Variants in F13B observed in about 807,000 individuals in gnomAD.
F13B encodes TGase.
F13B carries 58 observed loss-of-function variants against 79.8 expected under a neutral mutation model. That is an observed-to-expected ratio of 0.73 (90% confidence interval 0.59 to 0.90). F13B has a LOEUF of 0.90. F13B is among the 40% of genes least tolerant of loss of function. The pLI is 0.00. For synonymous variants in F13B, 283 were observed against 260.3 expected (o/e 1.09, Z -0.84); for missense variants, 773 against 777.0 (o/e 0.99, Z 0.06).
chr1:197,057,293 T>C lies in F13B; in HGVS notation c.978A>G (p.Lys326=). 6.2e-7 allele frequency: 1 copy of C among 1,613,904 alleles called. No individual in the cohort carries two copies. Among genetic ancestry groups the C allele is most frequent in the Non-Finnish European group, 8.5e-7 (1 of 1,179,878 alleles). The change falls in exon 6 of 12, where the codon AAA becomes AAG. Residue 326 remains lysine (K), a synonymous_variant. Transcript: ENST00000367412. Reference sequence around the variant, plus strand: ...CTTCAAGGTGTTACTAACCAATGCATTTTGGAGGTTCTGTCCATTTTCCAT... The same window carrying C: ...CTTCAAGGTGTTACTAACCAATGCACTTTGGAGGTTCTGTCCATTTTCCAT... ...CEDGKWTEPP[K]CIEGQEKVAC... is the part of the protein sequence containing the mutation.
chr1:197,044,709 T>G (rs1655165982), intron 10 of F13B, among the ~76,000 whole-genome samples: 1 of 152,148 alleles, frequency 6.6e-6, no homozygotes, highest in African/African-American at 2.4e-5. Flanking sequence ...ATATACATTC[T>G]TCTCAGCACC....
At chr1:197,041,864 C>T (rs766536884) in intron 10 of F13B, among the ~76,000 whole-genome samples, 2 of 152,130 alleles carry the variant, frequency 1.3e-5, no homozygotes, top group Non-Finnish European at 2.9e-5. Flanking sequence ...AGACAGAAGA[C>T]TCATTGTTAC....
chr1:197,043,568 TAACTC>T (rs1428150597), intron 10 of F13B, among the ~76,000 whole-genome samples: 5 of 152,150 alleles, frequency 3.3e-5, no homozygotes, highest in African/African-American at 2.4e-5. Context: ...TTTCATCAGA[TAACTC>T]AAATCTACAA....
chr1:197,062,830 A>G (rs17514542), intron 2 of F13B, 27 bp downstream of exon 2: 1 of 1,610,184 alleles, frequency 6.2e-7, no homozygotes, highest in African/African-American at 1.3e-5. Flanking sequence ...GTATTGAAAC[A>G]TTGAGTGACA....
At chr1:197,056,286 C>A (rs372848209) in intron 7 of F13B, among the ~76,000 whole-genome samples, 3 of 151,952 alleles carry the variant, frequency 2.0e-5, no homozygotes, top group Non-Finnish European at 2.9e-5. Flanking sequence ...CTCAATAGAC[C>A]CATGAAGGAA....
intron 5 of F13B, among the ~76,000 whole-genome samples, chr1:197,058,604 T>A (rs563290201): frequency 6.6e-6 from 1 of 152,324 alleles, no homozygotes; most frequent in Admixed American, 6.5e-5. Flanking sequence ...TGCTTCCTCT[T>A]CTGCAGTCAA....
rs549808863 is a variant in F13B at position 197,046,793 on chromosome 1, G to A, written c.1738+3904C>T. ...AAGGCTACAGTAACCAAAACAGCAT[G>A]ATACTGGTACCAAAACAGATATATA... On this transcript the variant is annotated intron_variant, in intron 10 of 11. Coordinates refer to ENST00000367412, the MANE Select transcript of F13B (RefSeq NM_001994.3). Among the ~76,000 whole-genome samples the A allele has an allele frequency of 7.8e-3, 1,190 of 152,280 alleles. 10 individuals are homozygous for A. Among genetic ancestry groups the A allele is most frequent in the Middle Eastern group, 0.017 (5 of 294 alleles).
At chr1:197,044,255 T>C (rs1394017991) in intron 10 of F13B, among the ~76,000 whole-genome samples, 5 of 151,972 alleles carry the variant, frequency 3.3e-5, no homozygotes, top group Non-Finnish European at 7.4e-5. Flanking sequence ...TCCACGCCCA[T>C]GGAGCCTTGC....
At chr1:197,058,921 G>A (rs1308446157) in intron 5 of F13B, among the ~76,000 whole-genome samples, 1 of 151,990 alleles carries the variant, frequency 6.6e-6, no homozygotes, top group African/African-American at 2.4e-5. Context: ...AGAGGAGAAG[G>A]GTATAAAAGG....
At chr1:197,051,258 T>A (rs1655429706) in intron 9 of F13B, among the ~76,000 whole-genome samples, 1 of 152,170 alleles carries the variant, frequency 6.6e-6, no homozygotes, top group East Asian at 1.9e-4. Flanking sequence ...ATATTGAAGA[T>A]GTTTTTGCAA....
chr1:197,056,933 G>C, intron 7 of F13B, 80 bp downstream of exon 7: 1 of 1,472,198 alleles, frequency 6.8e-7, no homozygotes, highest in South Asian at 1.2e-5. Context: ...TCTTTTCCTA[G>C]GAATATTCAG....
intron 1 of F13B, among the ~76,000 whole-genome samples, chr1:197,066,533 G>T (rs940886541): frequency 2.0e-5 from 3 of 152,064 alleles, no homozygotes; most frequent in Non-Finnish European, 4.4e-5. Context: ...GAGTCCATAG[G>T]TATTGGTTTG....
At chr1:197,066,382 G>A (rs963230616) in intron 1 of F13B, among the ~76,000 whole-genome samples, 2 of 152,102 alleles carry the variant, frequency 1.3e-5, no homozygotes, top group East Asian at 3.8e-4. Flanking sequence ...CTAATGCTAA[G>A]TGTCCTCCCT....
At chr1:197,055,185 T>C (rs1655594440) in intron 8 of F13B, among the ~76,000 whole-genome samples, 1 of 152,044 alleles carries the variant, frequency 6.6e-6, no homozygotes, top group African/African-American at 2.4e-5. Context: ...TAGAAGACCA[T>C]TTATTATCTA....
chr1:197,058,594 T>C (rs1000748308), intron 5 of F13B, among the ~76,000 whole-genome samples: 2 of 152,182 alleles, frequency 1.3e-5, no homozygotes, highest in African/African-American at 2.4e-5. Flanking sequence ...TCACATCTCC[T>C]GCTTCCTCTT....
intron 10 of F13B, among the ~76,000 whole-genome samples, chr1:197,049,232 T>C (rs1232534739): frequency 6.6e-6 from 1 of 151,346 alleles, no homozygotes; most frequent in African/African-American, 2.4e-5. Flanking sequence ...ACAAAAGAAA[T>C]CCAAGAACAT....
intron 5 of F13B, among the ~76,000 whole-genome samples, chr1:197,058,407 G>A (rs922931873): frequency 6.6e-6 from 1 of 152,100 alleles, no homozygotes; most frequent in Non-Finnish European, 1.5e-5. Context: ...AGTCCTAGAG[G>A]CCAGAAGTCC....
At chr1:197,066,791 T>C (rs931707112) in intron 1 of F13B, among the ~76,000 whole-genome samples, 1 of 152,168 alleles carries the variant, frequency 6.6e-6, no homozygotes, top group Non-Finnish European at 1.5e-5. Flanking sequence ...ATTAAAATTG[T>C]ACAAGTTTTG....
chr1:197,045,818 G>T (rs534293437), intron 10 of F13B, among the ~76,000 whole-genome samples: 10 of 152,220 alleles, frequency 6.6e-5, no homozygotes, highest in Admixed American at 5.9e-4. Context: ...TATCCACCAC[G>T]ATCAAGATGG....
Sources: gnomAD v4.1 joint callset for allele counts (sites outside exome capture counted in the v4.1 genomes callset) on GRCh38, gnomAD v4.1.1 for gene constraint, MANE v1.5 for transcripts, NCBI Gene and HGNC (gene_info 2026-07-23, HGNC 2026-07-21) for gene names.